Variants in LHFPL3 observed in about 807,000 individuals in gnomAD.
LHFPL3 encodes the protein LHFPL tetraspan subfamily member 3.
A neutral mutation model predicts 19.3 loss-of-function variants in LHFPL3; 5 were observed. That is an observed-to-expected ratio of 0.26 (90% confidence interval 0.14 to 0.54). LHFPL3 has a LOEUF of 0.54. Ranked by LOEUF, LHFPL3 falls within the 20% of genes least tolerant of loss-of-function variation. LHFPL3 has a pLI of 0.94. For synonymous variants in LHFPL3, 133 were observed against 126.2 expected, an observed-to-expected ratio of 1.05 and a Z score of -0.36; for missense variants, 249 against 307.4, an observed-to-expected ratio of 0.81 and a Z score of 1.42.
chr7:104,430,455 T>TG (rs1491561052), intron 1 of LHFPL3, among the ~76,000 whole-genome samples: 1 of 11,398 alleles, frequency 8.8e-5, no homozygotes, highest in Non-Finnish European at 1.5e-4. Flanking sequence ...TATATATATA[T>TG]TTTTTTTTTT....
chr7:104,718,986 C>A lies in LHFPL3; in HGVS notation c.446-17689C>A, dbSNP rs559309857. Among the ~76,000 whole-genome samples the A allele has an allele frequency of 9.9e-5, 15 of 152,200 alleles. No homozygotes were observed. The East Asian group carries it at 2.7e-3, about 27-fold the overall frequency. ...GCTCTTTTCTTCTCTTAAGATCCTGCGGCAAAAATGCTGTTTAGATTTTAG... is the reference window on the plus strand; with the variant it reads ...GCTCTTTTCTTCTCTTAAGATCCTGAGGCAAAAATGCTGTTTAGATTTTAG... On this transcript the variant is annotated intron_variant, in intron 1 of 2. Coordinates refer to ENST00000424859, the MANE Select transcript of LHFPL3 (RefSeq NM_199000.3).
At chr7:104,536,081 GCA>G (rs1452156726) in intron 1 of LHFPL3, among the ~76,000 whole-genome samples, 1 of 152,204 alleles carries the variant, frequency 6.6e-6, no homozygotes, top group African/African-American at 2.4e-5. Flanking sequence ...AGCTGTAGCT[GCA>G]CAGAGGGCAG....
chr7:104,877,716 CT>C (rs1347418698), intron 2 of LHFPL3, among the ~76,000 whole-genome samples: 1 of 139,766 alleles, frequency 7.2e-6, no homozygotes, highest in Non-Finnish European at 1.6e-5. Flanking sequence ...TTGGAAGTTC[CT>C]TTAAAAAAAA....
intron 1 of LHFPL3, among the ~76,000 whole-genome samples, chr7:104,360,989 A>G (rs892066326): frequency 2.6e-5 from 4 of 152,222 alleles, no homozygotes; most frequent in Non-Finnish European, 4.4e-5. Flanking sequence ...CCAAAAAATC[A>G]AAAGAAGAAT....
chr7:104,597,683 A>G (rs557383294), intron 1 of LHFPL3, among the ~76,000 whole-genome samples: 3 of 152,244 alleles, frequency 2.0e-5, no homozygotes, highest in African/African-American at 7.2e-5. Context: ...TCTGACTGGA[A>G]TTTTCCTATT....
chr7:104,652,291 G>C (rs188441051), intron 1 of LHFPL3, among the ~76,000 whole-genome samples: 1 of 152,206 alleles, frequency 6.6e-6, no homozygotes, highest in Non-Finnish European at 1.5e-5. Context: ...AGCCCCAGGG[G>C]ACACCAGCAT....
chr7:104,740,988 T>A (rs1354359220), intron 2 of LHFPL3, among the ~76,000 whole-genome samples: 1 of 152,210 alleles, frequency 6.6e-6, no homozygotes, highest in East Asian at 1.9e-4. Context: ...AGCTCAATTC[T>A]AATTGTTGAA....
intron 2 of LHFPL3, among the ~76,000 whole-genome samples, chr7:104,739,148 A>G (rs1793884646): frequency 6.6e-6 from 1 of 151,276 alleles, no homozygotes; most frequent in Non-Finnish European, 1.5e-5. Flanking sequence ...ACCCTCATGC[A>G]ATGGGATCTA....
At chr7:104,681,652 G>C (rs1792706797) in intron 1 of LHFPL3, among the ~76,000 whole-genome samples, 2 of 151,758 alleles carry the variant, frequency 1.3e-5, no homozygotes, top group South Asian at 2.1e-4. Context: ...GAGGAAGAAA[G>C]GAAGGGTACA....
At position 104,367,188 on chromosome 7, in the gene LHFPL3, T is replaced by TA. The variant is rs1225833438; in HGVS notation, c.445+37965dup. 2.2e-4 allele frequency among the ~76,000 whole-genome samples: 33 copies of TA among 152,314 alleles called. No individual in the cohort carries two copies. The East Asian group carries it at 6.0e-3, about 28-fold the overall frequency. On this transcript the variant is annotated intron_variant, in intron 1 of 2. Coordinates refer to ENST00000424859, the MANE Select transcript of LHFPL3 (RefSeq NM_199000.3). ...CTGGGTTCCAATGATAAAACTAAAA[T>TA]ACTAGAGAGACAGTCTTAATGTTTA...
intron 2 of LHFPL3, among the ~76,000 whole-genome samples, chr7:104,903,776 G>A (rs1211344880): frequency 1.3e-5 from 2 of 151,944 alleles, no homozygotes; most frequent in African/African-American, 2.4e-5. Flanking sequence ...AATTTTTTAT[G>A]GCCACATAGT....
intron 1 of LHFPL3, among the ~76,000 whole-genome samples, chr7:104,670,394 T>C (rs957156109): frequency 6.6e-6 from 1 of 152,218 alleles, no homozygotes; most frequent in African/African-American, 2.4e-5. Flanking sequence ...GTCCTAGTTT[T>C]ACCCTTTCTA....
At chr7:104,383,662 G>T (rs990468081) in intron 1 of LHFPL3, among the ~76,000 whole-genome samples, 1 of 152,158 alleles carries the variant, frequency 6.6e-6, no homozygotes. Flanking sequence ...TAAGGACCTT[G>T]TTGTAAGTTT....
intron 1 of LHFPL3, among the ~76,000 whole-genome samples, chr7:104,424,337 G>A (rs983821506): frequency 1.3e-5 from 2 of 152,318 alleles, no homozygotes; most frequent in African/African-American, 4.8e-5. Flanking sequence ...CAGAAGTGCG[G>A]CTGTACGAAG....
chr7:104,784,739 G>A (rs1245636434), intron 2 of LHFPL3, among the ~76,000 whole-genome samples: 1 of 152,172 alleles, frequency 6.6e-6, no homozygotes, highest in African/African-American at 2.4e-5. Flanking sequence ...TAAACAAAAT[G>A]TCATATGACT....
chr7:104,709,561 A>G (rs984337059), intron 1 of LHFPL3, among the ~76,000 whole-genome samples: 5 of 150,538 alleles, frequency 3.3e-5, no homozygotes, highest in African/African-American at 1.2e-4. Context: ...AAGGTTATAG[A>G]TTAACAGCAT....
chr7:104,862,120 G>A (rs1301812270), intron 2 of LHFPL3, among the ~76,000 whole-genome samples: 8 of 151,898 alleles, frequency 5.3e-5, no homozygotes, highest in Non-Finnish European at 1.2e-4. Flanking sequence ...CACCTGACAT[G>A]GAGATTAAAA....
intron 1 of LHFPL3, among the ~76,000 whole-genome samples, chr7:104,594,925 G>A (rs1184658947): frequency 6.6e-6 from 1 of 152,180 alleles, no homozygotes; most frequent in Non-Finnish European, 1.5e-5. Context: ...GTTTATTCTA[G>A]TTAGCCATTC....
intron 1 of LHFPL3, among the ~76,000 whole-genome samples, chr7:104,705,114 A>T (rs1793168295): frequency 6.6e-6 from 1 of 152,170 alleles, no homozygotes; most frequent in Non-Finnish European, 1.5e-5. Context: ...TATTTCTTAA[A>T]TATAAGAAGT....
Sources: gnomAD v4.1 joint callset for allele counts (sites outside exome capture counted in the v4.1 genomes callset) on GRCh38, gnomAD v4.1.1 for gene constraint, MANE v1.5 for transcripts, NCBI Gene and HGNC (gene_info 2026-07-23, HGNC 2026-07-21) for gene names.